The following GPC5 variants were observed in gnomAD, a reference collection of about 807,000 sequenced individuals.
The protein encoded by GPC5 is glypican-5.
In GPC5, 47 loss-of-function variants were observed where a neutral mutation model predicts 53.9. The observed-to-expected ratio is 0.87, with a 90% confidence interval of 0.69 to 1.11. The LOEUF (loss-of-function observed/expected upper bound fraction) is 1.11. Ranked by LOEUF, GPC5 falls within the 50% of genes most tolerant of loss-of-function variation. The pLI, the probability that GPC5 is intolerant of heterozygous loss-of-function variation, is 0.00. For missense variants in GPC5, 748 were observed against 713.1 expected (o/e 1.05, Z -0.56); for synonymous variants, 286 against 263.3 (o/e 1.09, Z -0.84).
intron 7 of GPC5, among the ~76,000 whole-genome samples, chr13:92,859,647 G>A (rs949582716): frequency 6.6e-5 from 10 of 151,748 alleles, no homozygotes; most frequent in Non-Finnish European, 7.4e-5. Context: ...GAGTACTGTG[G>A]TATATTTAAT....
At chr13:91,741,929 C>T (rs1047204035) in intron 4 of GPC5, among the ~76,000 whole-genome samples, 1 of 152,072 alleles carries the variant, frequency 6.6e-6, no homozygotes, top group African/African-American at 2.4e-5. Context: ...AAAGTTAGTG[C>T]GTCTTTGAGG....
intron 7 of GPC5, among the ~76,000 whole-genome samples, chr13:92,235,682 G>A (rs2042564508): frequency 6.6e-6 from 1 of 152,096 alleles, no homozygotes; most frequent in South Asian, 2.1e-4. Flanking sequence ...TAGCAGTCCT[G>A]ATTCAAGTCT....
intron 7 of GPC5, among the ~76,000 whole-genome samples, chr13:92,530,939 A>T (rs1881543569): frequency 6.6e-6 from 1 of 152,134 alleles, no homozygotes; most frequent in South Asian, 2.1e-4. Flanking sequence ...AGCACACATG[A>T]TCCTGTCACT....
chr13:92,728,762 C>T (rs1888717693), intron 7 of GPC5, among the ~76,000 whole-genome samples: 1 of 151,220 alleles, frequency 6.6e-6, no homozygotes, highest in Admixed American at 6.6e-5. Context: ...AAATTTCGAA[C>T]CATTTTAATT....
chr13:91,622,066 C>A (rs1260614355), intron 2 of GPC5, among the ~76,000 whole-genome samples: 1 of 152,002 alleles, frequency 6.6e-6, no homozygotes, highest in Non-Finnish European at 1.5e-5. Flanking sequence ...GAAGGCTCAG[C>A]AAGTCTGCCC....
chr13:91,614,591 C>CA (rs147516219), intron 2 of GPC5, among the ~76,000 whole-genome samples: 5,448 of 152,190 alleles, frequency 0.036, 291 homozygotes, highest in South Asian at 0.22. Flanking sequence ...CTTGGCCTCC[C>CA]AAGTTCTGGG....
chr13:91,859,296 C>T (rs907093193), intron 5 of GPC5, among the ~76,000 whole-genome samples: 2 of 151,630 alleles, frequency 1.3e-5, no homozygotes, highest in African/African-American at 4.8e-5. Context: ...TATAAATTTG[C>T]TTCTTCTGCT....
intron 6 of GPC5, among the ~76,000 whole-genome samples, chr13:92,066,233 G>A (rs1373004869): frequency 6.6e-6 from 1 of 151,996 alleles, no homozygotes. Flanking sequence ...GCTGCCATAA[G>A]CTAATCACTG....
rs115012784 is a variant in GPC5 at position 92,205,417 on chromosome 13, G to A, written c.1561+60428G>A. 1.7e-3 allele frequency among the ~76,000 whole-genome samples: 265 copies of A among 152,244 alleles called. 3 individuals carry two copies. Among genetic ancestry groups the A allele is most frequent in the African/African-American group, 6.2e-3 (256 of 41,548 alleles). ...TCACATGGGCTGAGGGGCTCACCAG[G>A]AGTCACCTCATTAGCATAAATTATC... On this transcript the variant is annotated intron_variant, in intron 7 of 7. Transcript: ENST00000377067.
chr13:92,061,596 C>T (rs1162816427), intron 6 of GPC5, among the ~76,000 whole-genome samples: 2 of 151,984 alleles, frequency 1.3e-5, no homozygotes, highest in East Asian at 1.9e-4. Context: ...AGGGATTATA[C>T]TTTAAATATT....
At chr13:91,656,769 A>T (rs1161453857) in intron 2 of GPC5, among the ~76,000 whole-genome samples, 2 of 152,194 alleles carry the variant, frequency 1.3e-5, no homozygotes, top group African/African-American at 4.8e-5. Context: ...TAATTTTAAA[A>T]ATCACATAGT....
intron 7 of GPC5, among the ~76,000 whole-genome samples, chr13:92,832,998 T>C (rs992463265): frequency 2.0e-5 from 3 of 152,088 alleles, no homozygotes; most frequent in Non-Finnish European, 4.4e-5. Context: ...AGAGTGAGAC[T>C]GCGTCTCAAA....
At chr13:92,102,586 A>T (rs566122522) in intron 6 of GPC5, among the ~76,000 whole-genome samples, 1 of 152,332 alleles carries the variant, frequency 6.6e-6, no homozygotes, top group African/African-American at 2.4e-5. Context: ...TAGAGGTTGA[A>T]AATATAGGAA....
Position 92,024,709 on chromosome 13 carries a change from A to G in GPC5, c.1401+116652A>G, listed in dbSNP as rs117605913. 5.9e-5 allele frequency among the ~76,000 whole-genome samples: 9 copies of G among 152,296 alleles called. No homozygotes were observed. The East Asian group carries it at 1.5e-3, about 26-fold the overall frequency. On this transcript the variant is annotated intron_variant, in intron 6 of 7. Transcript: ENST00000377067. Reference sequence around the variant, plus strand: ...ACTTTTGAGATGAAACTGTGGAGGCATATTTCAAATGACCAAACACATACT... The same window carrying G: ...ACTTTTGAGATGAAACTGTGGAGGCGTATTTCAAATGACCAAACACATACT...
intron 5 of GPC5, among the ~76,000 whole-genome samples, chr13:91,894,467 A>C (rs1361359727): frequency 6.6e-6 from 1 of 152,232 alleles, no homozygotes; most frequent in East Asian, 1.9e-4. Context: ...CCATTGATCC[A>C]ACAACATACG....
intron 4 of GPC5, among the ~76,000 whole-genome samples, chr13:91,751,777 G>A (rs1234883582): frequency 1.3e-5 from 2 of 152,088 alleles, no homozygotes; most frequent in African/African-American, 2.4e-5. Flanking sequence ...ACATTGAAAC[G>A]AGCATACATA....
At chr13:91,870,463 G>A (rs559547001) in intron 5 of GPC5, among the ~76,000 whole-genome samples, 1 of 152,100 alleles carries the variant, frequency 6.6e-6, no homozygotes, top group Admixed American at 6.6e-5. Flanking sequence ...CACTTTAAGG[G>A]CTAGCCTTTA....
intron 6 of GPC5, among the ~76,000 whole-genome samples, chr13:91,909,911 T>C (rs564058890): frequency 6.6e-5 from 10 of 152,270 alleles, no homozygotes; most frequent in African/African-American, 2.4e-4. Flanking sequence ...ATCCTACCTT[T>C]CTTTTTTAGC....
At chr13:91,774,086 C>T (rs762470757) in intron 5 of GPC5, among the ~76,000 whole-genome samples, 16 of 152,128 alleles carry the variant, frequency 1.1e-4, no homozygotes, top group Middle Eastern at 3.2e-3. Context: ...TGTTCAGCTT[C>T]CTGAAGATTT....
Sources: gnomAD v4.1 joint callset for allele counts (sites outside exome capture counted in the v4.1 genomes callset) on GRCh38, gnomAD v4.1.1 for gene constraint, MANE v1.5 for transcripts, NCBI Gene and HGNC (gene_info 2026-07-23, HGNC 2026-07-21) for gene names.